The following BIK variants were observed in gnomAD, a reference collection of about 807,000 sequenced individuals.
BIK encodes the protein BCL2 interacting killer, also known as bcl-2-interacting killer.
Under a neutral mutation model 12.1 loss-of-function variants are expected in BIK, and 14 were observed. The observed-to-expected ratio is 1.16, with a 90% CI of 0.77 to 1.81. BIK has a LOEUF of 1.81. BIK is among the 40% of genes most tolerant of loss of function. The pLI is 0.00. For missense variants in BIK, 215 were observed against 207.9 expected, an observed-to-expected ratio of 1.03 and a Z score of -0.21; for synonymous variants, 86 against 92.3, an observed-to-expected ratio of 0.93 and a Z score of 0.39.
chr22:43,120,463 C>T (rs775372747), intron 1 of BIK, among the ~76,000 whole-genome samples: 13 of 152,328 alleles, frequency 8.5e-5, no homozygotes, highest in Middle Eastern at 6.8e-3. Flanking sequence ...GCTGGGATTA[C>T]AGGCGTGAGC....
In BIK at chr22:43,113,933, T is replaced by C. The variant is rs763650292; in HGVS notation, c.-8+3130T>C. Reference sequence around the variant, plus strand: ...CAGGAAGCCAGCAGTGTGTCTGAACTGGACACATGTGGCCACTTCCTAGCC... The same window carrying C: ...CAGGAAGCCAGCAGTGTGTCTGAACCGGACACATGTGGCCACTTCCTAGCC... On this transcript the variant is annotated intron_variant, in intron 1 of 4. Transcript: ENST00000216115. Among the ~76,000 whole-genome samples the C allele has an allele frequency of 2.0e-5, 3 of 152,202 alleles. No homozygotes were observed. The East Asian group carries it at 5.8e-4, about 29-fold the overall frequency.
intron 1 of BIK, among the ~76,000 whole-genome samples, chr22:43,117,989 A>T (rs773300743): frequency 3.9e-5 from 6 of 152,072 alleles, no homozygotes; most frequent in African/African-American, 7.2e-5. Flanking sequence ...ATATATTTTT[A>T]AAATTTTTTA....
intron 1 of BIK, among the ~76,000 whole-genome samples, chr22:43,119,374 T>C (rs1004608182): frequency 1.3e-5 from 2 of 152,160 alleles, no homozygotes; most frequent in African/African-American, 4.8e-5. Flanking sequence ...CCTCTGGGAA[T>C]AGGTTGCCTT....
At chr22:43,114,030 G>A (rs775942860) in intron 1 of BIK, among the ~76,000 whole-genome samples, 29 of 152,150 alleles carry the variant, frequency 1.9e-4, no homozygotes, top group Non-Finnish European at 2.6e-4. Flanking sequence ...AAATCAGTCC[G>A]TGGCCCCTAA....
chr22:43,129,471 G>T lies in BIK; in HGVS notation c.*166G>T, dbSNP rs375152018. ...CTGAGGTTTTATACTCAGGTTTTTT[G>T]TTTTTTTTTTATTCCAGTTTTCGTT... is the stretch of plus-strand genomic sequence containing the variant. On this transcript the variant is annotated 3_prime_UTR_variant, in exon 5 of 5. Coordinates refer to ENST00000216115, the MANE Select transcript of BIK (RefSeq NM_001197.5). 393 of 1,057,314 alleles carry T rather than the reference G, an allele frequency of 3.7e-4. 2 individuals are homozygous for T. In the African/African-American group the frequency reaches 4.5e-3, roughly 12 times the overall value. The allele number at this position is 1,057,314 out of a possible 1,614,324, so 65.5% of individuals were successfully genotyped here. A position where few individuals can be genotyped will look rare whatever the true frequency, so the allele number is the denominator to read the frequency against.
At chr22:43,125,655 G>A (rs945836770) in intron 2 of BIK, among the ~76,000 whole-genome samples, 3 of 152,098 alleles carry the variant, frequency 2.0e-5, no homozygotes, top group South Asian at 2.1e-4. Flanking sequence ...GGGACGTGGA[G>A]GTTGCAGTGA....
intron 1 of BIK, among the ~76,000 whole-genome samples, chr22:43,117,358 A>ATTTTTTTTTTTTTTT (rs201363308): frequency 7.1e-6 from 1 of 141,436 alleles, no homozygotes; most frequent in African/African-American, 2.6e-5. Flanking sequence ...CATACTACGG[A>ATTTTTTTTTTTTTTT]TTTTTTTTTT....
chr22:43,111,910 C>G (rs1930018786), intron 1 of BIK, among the ~76,000 whole-genome samples: 1 of 152,136 alleles, frequency 6.6e-6, no homozygotes, highest in South Asian at 2.1e-4. Context: ...CCAGGAGGCA[C>G]AGAAATGCCA....
rs4988443 is a variant in BIK at position 43,129,646 on chromosome 22, C to T, written c.*341C>T. ...ACCCCTGTGTGATATGTGATGCCCT[C>T]GGCAAAGAATCTACTGGAATAGATT... On this transcript the variant is annotated 3_prime_UTR_variant, in exon 5 of 5. Coordinates refer to ENST00000216115, the MANE Select transcript of BIK (RefSeq NM_001197.5). 5,531 of 318,828 alleles carry T rather than the reference C, an allele frequency of 0.017. 77 individuals carry two copies. The highest frequency in any genetic ancestry group is 0.024 in the Non-Finnish European group (4,243 of 173,922). 19.7% of individuals were successfully genotyped at this position (318,828 alleles called of 1,614,324 possible). A position where few individuals can be genotyped will look rare whatever the true frequency, so the allele number is the denominator to read the frequency against.
chr22:43,122,488 C>T (rs1346227440), intron 1 of BIK, among the ~76,000 whole-genome samples: 1 of 152,174 alleles, frequency 6.6e-6, no homozygotes, highest in Non-Finnish European at 1.5e-5. Flanking sequence ...CTGCTAACTG[C>T]CAGAGCCGGG....
intron 1 of BIK, among the ~76,000 whole-genome samples, chr22:43,112,945 T>A (rs1930039086): frequency 6.6e-6 from 1 of 152,130 alleles, no homozygotes; most frequent in Non-Finnish European, 1.5e-5. Flanking sequence ...GGCTCACATT[T>A]GTAATCCTAG....
At chr22:43,123,634 C>T (rs957740400) in intron 1 of BIK, among the ~76,000 whole-genome samples, 1 of 151,794 alleles carries the variant, frequency 6.6e-6, no homozygotes, top group Non-Finnish European at 1.5e-5. Context: ...GCCTGTAGTC[C>T]CAGCTACTCG....
At position 43,129,558 on chromosome 22, in the gene BIK, C is replaced by A; in HGVS notation, c.*253C>A. On this transcript the variant is annotated 3_prime_UTR_variant, in exon 5 of 5. Transcript: ENST00000216115. ...TCACCGGTTAACTGTGGCCTGTGCC[C>A]AGGAAGAGCCATTCACTCCTGCCCC... The A allele has an allele frequency of 1.7e-6, 1 of 605,442 alleles. No homozygotes were observed. The allele number at this position is 605,442 out of a possible 1,614,324, so 37.5% of individuals were successfully genotyped here.
At position 43,124,120 on chromosome 22, in the gene BIK, C is replaced by CT; in HGVS notation, c.99dup (p.Asp34Ter). On this transcript the variant is annotated frameshift_variant, in exon 2 of 5. Transcript: ENST00000216115. LOFTEE classifies it high-confidence loss of function. ...CCGACCATGGAGGTTCTTGGCATGA[C>CT]TGACTCTGAAGAGGACCTGGACCCT... The CT allele has an allele frequency of 6.2e-7, 1 of 1,614,198 alleles. No individual in the cohort carries two copies. Among genetic ancestry groups the CT allele is most frequent in the South Asian group, 1.1e-5 (1 of 91,078 alleles).
In BIK at chr22:43,129,268, C is replaced by A; in HGVS notation, c.446C>A (p.Pro149Gln). 6.2e-7 allele frequency: 1 copy of A among 1,600,808 alleles called. No homozygotes were observed. The highest frequency in any genetic ancestry group is 8.5e-7 in the Non-Finnish European group (1 of 1,178,942). ...CTGCTGCTGCTGGCGCTGCTGCTGC[C>A]GCTGCTCAGCGGGGGCCTGCACCTG... ...ALLLLLALLL[P>Q]LLSGGLHLLL... The change falls in exon 5 of 5, where the codon CCG (proline) becomes CAG (glutamine). Residue 149 changes from proline to glutamine, a missense_variant. Physicochemically the swap from Pro to Gln is moderately conservative, Grantham distance 76 (BLOSUM62 -1). Transcript: ENST00000216115.
At chr22:43,122,835 G>A (rs893643481) in intron 1 of BIK, among the ~76,000 whole-genome samples, 1 of 152,134 alleles carries the variant, frequency 6.6e-6, no homozygotes, top group Non-Finnish European at 1.5e-5. Context: ...TTCTTGGTCA[G>A]CCACTGCAGC....
At chr22:43,126,426 C>T (rs1352226108) in intron 2 of BIK, among the ~76,000 whole-genome samples, 2 of 152,062 alleles carry the variant, frequency 1.3e-5, no homozygotes, top group Non-Finnish European at 2.9e-5. Flanking sequence ...ACCTCGTGAT[C>T]TGCCTGCCTC....
chr22:43,124,286 C>A, intron 2 of BIK, 103 bp downstream of exon 2: 1 of 1,331,774 alleles, frequency 7.5e-7, no homozygotes, highest in South Asian at 1.4e-5. Flanking sequence ...CAGATGCCTC[C>A]CAGGCAGGGC....
intron 1 of BIK, among the ~76,000 whole-genome samples, chr22:43,113,729 T>C (rs1402293028): frequency 6.6e-6 from 1 of 152,152 alleles, no homozygotes; most frequent in East Asian, 1.9e-4. Flanking sequence ...TATTTTCCCC[T>C]CTCCCTGGAA....
Sources: allele counts gnomAD v4.1 joint callset (sites outside exome capture counted in the v4.1 genomes callset), GRCh38; gene constraint gnomAD v4.1.1; transcripts MANE v1.5; gene names NCBI Gene and HGNC (gene_info 2026-07-23, HGNC 2026-07-21).